Variants in CALN1 observed in about 807,000 individuals in gnomAD.
CALN1 encodes calcium-binding protein 8.
A neutral mutation model predicts 30.6 loss-of-function variants in CALN1; 17 were observed. The observed-to-expected ratio is 0.56, with a 90% CI of 0.38 to 0.83. The LOEUF (loss-of-function observed/expected upper bound fraction) is 0.83, where lower values mean the gene tolerates loss of function less well. Among genes scored for constraint, CALN1 ranks in the 40% least tolerant of loss-of-function variants. CALN1 has a pLI of 0.00. For synonymous variants in CALN1, 156 were observed against 131.4 expected, an observed-to-expected ratio of 1.19 and a Z score of -1.28; for missense variants, 291 against 354.9, an observed-to-expected ratio of 0.82 and a Z score of 1.45.
At chr7:71,811,033 TACAGGTGCCCGCC>T (rs1428561893) in intron 5 of CALN1, among the ~76,000 whole-genome samples, 4 of 151,896 alleles carry the variant, frequency 2.6e-5, no homozygotes, top group Non-Finnish European at 5.9e-5. Context: ...TAGCTGGAAT[TACAGGTGCCCGCC>T]ACCACGCCCG....
intron 4 of CALN1, among the ~76,000 whole-genome samples, chr7:72,104,379 G>A (rs1400773894): frequency 1.3e-5 from 2 of 152,208 alleles, no homozygotes; most frequent in East Asian, 1.9e-4. Flanking sequence ...GAGTGATGAA[G>A]GTGTTCTTTT....
At chr7:71,911,505 G>A (rs1160966806) in intron 5 of CALN1, among the ~76,000 whole-genome samples, 1 of 152,036 alleles carries the variant, frequency 6.6e-6, no homozygotes, top group Admixed American at 6.6e-5. Context: ...AGAGGCAGAA[G>A]GACCTGACAT....
At chr7:71,984,316 C>T (rs1448188656) in intron 5 of CALN1, among the ~76,000 whole-genome samples, 1 of 152,190 alleles carries the variant, frequency 6.6e-6, no homozygotes, top group Non-Finnish European at 1.5e-5. Flanking sequence ...GAATTAAATG[C>T]TTGATCAAAG....
chr7:72,135,526 T>C (rs1055207578), intron 3 of CALN1, among the ~76,000 whole-genome samples: 6 of 152,182 alleles, frequency 3.9e-5, no homozygotes, highest in African/African-American at 1.4e-4. Flanking sequence ...CAGGAATATT[T>C]TGAAAGGAGT....
intron 2 of CALN1, among the ~76,000 whole-genome samples, chr7:72,291,976 T>C (rs1487676324): frequency 3.3e-5 from 5 of 150,350 alleles, no homozygotes; most frequent in Non-Finnish European, 5.9e-5. Flanking sequence ...CACTTCAGCC[T>C]GGGTGACAGA....
At chr7:72,454,085 G>A in the CALN1 span, among the ~76,000 whole-genome samples, 1 of 152,072 alleles carries the variant, frequency 6.6e-6, no homozygotes, top group African/African-American at 2.4e-5. Context: ...ATCTAATTGT[G>A]TTAGGTGTGT....
intron 4 of CALN1, among the ~76,000 whole-genome samples, chr7:72,024,198 T>C (rs957115443): frequency 2.6e-5 from 4 of 152,192 alleles, no homozygotes; most frequent in Non-Finnish European, 1.5e-5. Flanking sequence ...CTGTGGTTGC[T>C]GTATCTTCCT....
chr7:72,335,440 C>T (rs1200101074), intron 2 of CALN1, among the ~76,000 whole-genome samples: 2 of 152,186 alleles, frequency 1.3e-5, no homozygotes, highest in Non-Finnish European at 2.9e-5. Context: ...AGAAATCTAC[C>T]CATTCTTTCT....
chr7:72,360,737 T>G (rs986838765), intron 2 of CALN1, among the ~76,000 whole-genome samples: 1 of 150,042 alleles, frequency 6.7e-6, no homozygotes. Flanking sequence ...AACTTAAAAG[T>G]ATAATTTTGA....
chr7:72,273,979 G>T (rs888948805), intron 3 of CALN1, among the ~76,000 whole-genome samples: 4 of 152,024 alleles, frequency 2.6e-5, no homozygotes, highest in Non-Finnish European at 5.9e-5. Flanking sequence ...TAGAGAAAAA[G>T]ACTTTTATTA....
chr7:72,063,043 A>G (rs1803772976), intron 4 of CALN1, among the ~76,000 whole-genome samples: 1 of 152,206 alleles, frequency 6.6e-6, no homozygotes, highest in South Asian at 2.1e-4. Flanking sequence ...AAAACAAACA[A>G]AAAAACACCT....
intron 3 of CALN1, among the ~76,000 whole-genome samples, chr7:72,142,300 A>G (rs1810002871): frequency 6.6e-6 from 1 of 152,234 alleles, no homozygotes; most frequent in Non-Finnish European, 1.5e-5. Flanking sequence ...TGACGGTCTT[A>G]GCAAACGGCA....
upstream of CALN1, among the ~76,000 whole-genome samples, chr7:72,413,110 C>G (rs886648544): frequency 2.0e-5 from 3 of 152,142 alleles, no homozygotes; most frequent in African/African-American, 7.2e-5. Flanking sequence ...TTCTGTTAGA[C>G]ACATATGCAC....
intron 2 of CALN1, among the ~76,000 whole-genome samples, chr7:72,325,645 T>C (rs1476439380): frequency 1.3e-5 from 2 of 151,956 alleles, no homozygotes; most frequent in Non-Finnish European, 2.9e-5. Flanking sequence ...GTCTCAAAAA[T>C]AAATAAAATA....
At chr7:71,885,110 C>T (rs1268619323) in intron 5 of CALN1, among the ~76,000 whole-genome samples, 9 of 152,208 alleles carry the variant, frequency 5.9e-5, no homozygotes, top group South Asian at 2.1e-4. Context: ...CTGCCCGCTC[C>T]GCTTTGAGTT....
At chr7:72,452,224 C>A in the CALN1 span, among the ~76,000 whole-genome samples, 1 of 152,130 alleles carries the variant, frequency 6.6e-6, no homozygotes, top group Admixed American at 6.6e-5. Context: ...ATTCAGCTCT[C>A]AACTCACTCC....
intron 3 of CALN1, among the ~76,000 whole-genome samples, chr7:72,209,803 G>C (rs1164837480): frequency 6.6e-6 from 1 of 152,022 alleles, no homozygotes; most frequent in Non-Finnish European, 1.5e-5. Context: ...ATGGCCCTTT[G>C]TCTCTGGATT....
chr7:71,955,023 A>C (rs756772772), intron 5 of CALN1, among the ~76,000 whole-genome samples: 1 of 152,192 alleles, frequency 6.6e-6, no homozygotes, highest in Non-Finnish European at 1.5e-5. Flanking sequence ...TCATACTGCT[A>C]ATAAAGATAT....
intron 4 of CALN1, among the ~76,000 whole-genome samples, chr7:72,097,998 G>A (rs1806365760): frequency 6.6e-6 from 1 of 151,406 alleles, no homozygotes; most frequent in South Asian, 2.1e-4. Flanking sequence ...ACAGGCGTGA[G>A]CCACCACGCC....
Sources: allele counts gnomAD v4.1 joint callset (sites outside exome capture counted in the v4.1 genomes callset), GRCh38; gene constraint gnomAD v4.1.1; transcripts MANE v1.5; gene names NCBI Gene and HGNC (gene_info 2026-07-23, HGNC 2026-07-21).